Variants in NRG1 observed in about 807,000 individuals in gnomAD.
NRG1 encodes neuregulin 1.
Under a neutral mutation model 63.8 loss-of-function variants are expected in NRG1, and 18 were observed. The ratio of observed to expected loss-of-function variants is 0.28; its 90% confidence interval spans 0.19 to 0.42. The LOEUF is 0.42. Among genes scored for constraint, NRG1 ranks in the 10% least tolerant of loss-of-function variants. The pLI, the probability that NRG1 is intolerant of heterozygous loss-of-function variation, is 1.00. For synonymous variants in NRG1, 302 were observed against 301.3 expected (o/e 1.00, Z -0.02); for missense variants, 762 against 814.7 (o/e 0.94, Z 0.79).
intron 1 of NRG1, among the ~76,000 whole-genome samples, chr8:31,742,050 G>A (rs1409570462): frequency 1.3e-5 from 2 of 151,980 alleles, no homozygotes; most frequent in African/African-American, 4.8e-5. Context: ...TCATCAATCT[G>A]GATGAATTTC....
intron 1 of NRG1, among the ~76,000 whole-genome samples, chr8:31,881,159 T>G (rs1726100619): frequency 6.6e-6 from 1 of 152,226 alleles, no homozygotes; most frequent in African/African-American, 2.4e-5. Context: ...GATATTGTGT[T>G]TTTTACAAAT....
chr8:32,391,820 C>T (rs563439540), intron 1 of NRG1, among the ~76,000 whole-genome samples: 1 of 152,116 alleles, frequency 6.6e-6, no homozygotes, highest in South Asian at 2.1e-4. Context: ...AATAATAACC[C>T]ACAGAATCAC....
intron 1 of NRG1, among the ~76,000 whole-genome samples, chr8:32,280,004 C>T (rs760031591): frequency 1.9e-4 from 29 of 152,320 alleles, no homozygotes; most frequent in Middle Eastern, 3.4e-3. Flanking sequence ...GACTTCACTA[C>T]GGAGGCTAGG....
At chr8:31,798,063 G>C (rs1322515849) in intron 1 of NRG1, among the ~76,000 whole-genome samples, 2 of 152,102 alleles carry the variant, frequency 1.3e-5, no homozygotes, top group Admixed American at 1.3e-4. Context: ...GGGAACGGTT[G>C]GTTAAGGAAA....
At chr8:32,419,883 TG>T (rs768328206) in intron 1 of NRG1, among the ~76,000 whole-genome samples, 1 of 152,182 alleles carries the variant, frequency 6.6e-6, no homozygotes, top group Non-Finnish European at 1.5e-5. Flanking sequence ...CAGAAAAATC[TG>T]TGGGGTAATT....
chr8:32,629,701 A>C (rs2129543876), intron 5 of NRG1, among the ~76,000 whole-genome samples: 1 of 152,282 alleles, frequency 6.6e-6, no homozygotes, highest in South Asian at 2.1e-4. Context: ...TACATCTGGA[A>C]GATTTTTTTC....
At chr8:32,086,911 C>T (rs919011323) in intron 1 of NRG1, among the ~76,000 whole-genome samples, 1 of 152,084 alleles carries the variant, frequency 6.6e-6, no homozygotes, top group Non-Finnish European at 1.5e-5. Context: ...ATGAGATATA[C>T]CCTTTTAACA....
At position 32,682,485 on chromosome 8, in the gene NRG1, A is replaced by G. The variant is rs189589300; in HGVS notation, c.503-45464A>G. Among the ~76,000 whole-genome samples the G allele has an allele frequency of 4.3e-3, 653 of 152,238 alleles. 3 individuals carry two copies. The highest frequency in any genetic ancestry group is 6.5e-3 in the Non-Finnish European group (444 of 67,986). ...TCATGAGTAAAATGATCCCTGTAAT[A>G]CCACTAGTTGCATAATACCTGCTTC... On this transcript the variant is annotated intron_variant, in intron 5 of 11. Transcript: ENST00000356819.
chr8:31,762,061 G>A (rs765825153), intron 1 of NRG1, among the ~76,000 whole-genome samples: 3 of 152,186 alleles, frequency 2.0e-5, no homozygotes, highest in Non-Finnish European at 4.4e-5. Flanking sequence ...AGTTAAAAAT[G>A]TGTCCTTGTA....
At chr8:31,838,913 A>C (rs1271109612) in intron 1 of NRG1, among the ~76,000 whole-genome samples, 1 of 152,090 alleles carries the variant, frequency 6.6e-6, no homozygotes, top group Non-Finnish European at 1.5e-5. Flanking sequence ...TGTATTCACT[A>C]TTTCCTCCAG....
rs1406624025 is a variant in NRG1 at position 32,431,899 on chromosome 8, T to C, written c.38-163929T>C. On this transcript the variant is annotated intron_variant, in intron 1 of 10. Transcript: ENST00000519301. ...ATCAGTAGGGATAATATTTACCCTA[T>C]GGGACTGTTAAGCAATTTAAGATGA... is the stretch of plus-strand genomic sequence containing the variant. Among the ~76,000 whole-genome samples the C allele has an allele frequency of 2.0e-5, 3 of 152,144 alleles. No homozygotes were observed. In the South Asian group the frequency reaches 6.2e-4, roughly 31 times the overall value.
At chr8:31,862,298 T>A (rs555451750) in intron 1 of NRG1, among the ~76,000 whole-genome samples, 1 of 152,300 alleles carries the variant, frequency 6.6e-6, no homozygotes, top group East Asian at 1.9e-4. Flanking sequence ...TTTTTAAATG[T>A]ACTTAAATCT....
intron 1 of NRG1, among the ~76,000 whole-genome samples, chr8:32,079,093 A>T (rs1399346547): frequency 6.6e-6 from 1 of 151,628 alleles, no homozygotes; most frequent in African/African-American, 2.4e-5. Context: ...AGTTATGCTG[A>T]TTGGAACTAG....
At chr8:32,697,823 A>G (rs1813751698) in intron 5 of NRG1, among the ~76,000 whole-genome samples, 1 of 152,214 alleles carries the variant, frequency 6.6e-6, no homozygotes. Flanking sequence ...CATCTGGATT[A>G]TGGCTTAGAC....
At chr8:32,758,190 A>G (rs140233069) in intron 9 of NRG1, among the ~76,000 whole-genome samples, 1 of 152,304 alleles carries the variant, frequency 6.6e-6, no homozygotes, top group Admixed American at 6.5e-5. Context: ...TCAATTTGGT[A>G]TAAATACTAA....
intron 1 of NRG1, among the ~76,000 whole-genome samples, chr8:32,347,344 G>C (rs553432344): frequency 6.6e-6 from 1 of 151,994 alleles, no homozygotes; most frequent in Admixed American, 6.5e-5. Context: ...ATGATTTCAC[G>C]CTCTATGGAG....
At chr8:32,344,322 TTC>T (rs749046606) in intron 1 of NRG1, among the ~76,000 whole-genome samples, 2 of 126,026 alleles carry the variant, frequency 1.6e-5, no homozygotes, top group Non-Finnish European at 1.7e-5. Flanking sequence ...TTTTCCTTCT[TTC>T]TCTTTCTTTC....
chr8:32,336,199 T>A (rs1169324056), intron 1 of NRG1, among the ~76,000 whole-genome samples: 1 of 152,236 alleles, frequency 6.6e-6, no homozygotes, highest in African/African-American at 2.4e-5. Flanking sequence ...TAGTTCAAGA[T>A]AACATAAACT....
At chr8:31,897,463 G>T (rs1432374658) in intron 1 of NRG1, among the ~76,000 whole-genome samples, 1 of 152,060 alleles carries the variant, frequency 6.6e-6, no homozygotes, top group Admixed American at 6.6e-5. Context: ...GAATAGTCCT[G>T]CAAATCTGTC....
Sources: gnomAD v4.1 joint callset for allele counts (sites outside exome capture counted in the v4.1 genomes callset) on GRCh38, gnomAD v4.1.1 for gene constraint, MANE v1.5 for transcripts, NCBI Gene and HGNC (gene_info 2026-07-23, HGNC 2026-07-21) for gene names.